CMIP: variants seen among roughly 807,000 people sequenced by gnomAD.
The protein encoded by CMIP is C-Maf-inducing protein.
CMIP carries 13 observed loss-of-function variants against 97.3 expected under a neutral mutation model. That is an observed-to-expected ratio of 0.13 (90% CI 0.09 to 0.21). The LOEUF is 0.21. Ranked by LOEUF, CMIP falls within the 10% of genes least tolerant of loss-of-function variation. The probability of loss-of-function intolerance (pLI) is 1.00; values close to 1 mark genes in which losing one functional copy is unlikely to be tolerated. For missense variants in CMIP, 847 were observed against 1,024.9 expected, an observed-to-expected ratio of 0.83 and a Z score of 2.37; for synonymous variants, 538 against 436.3, an observed-to-expected ratio of 1.23 and a Z score of -2.91.
At chr16:81,636,882 A>G (rs1431031484) in intron 3 of CMIP, among the ~76,000 whole-genome samples, 5 of 134,156 alleles carry the variant, frequency 3.7e-5, no homozygotes, top group Non-Finnish European at 7.9e-5. Flanking sequence ...ATTAGATCAT[A>G]TATATGTGTA....
intron 2 of CMIP, chr16:81,617,154 C>T (rs1050370473): frequency 2.0e-5 from 3 of 152,240 alleles, no homozygotes; most frequent in Admixed American, 1.3e-4. Context: ...ATCAGAATGT[C>T]CACTTTGAAA....
chr16:81,534,137 C>A (rs1385184232), intron 1 of CMIP, among the ~76,000 whole-genome samples: 1 of 152,206 alleles, frequency 6.6e-6, no homozygotes, highest in Non-Finnish European at 1.5e-5. Context: ...TGTGGCCAGG[C>A]TGCGTTTCAA....
At chr16:81,507,844 A>G (rs1246542604) in intron 1 of CMIP, among the ~76,000 whole-genome samples, 1 of 152,156 alleles carries the variant, frequency 6.6e-6, no homozygotes, top group Non-Finnish European at 1.5e-5. Flanking sequence ...GTTCTGGGGA[A>G]GGGCTGTGAG....
Position 81,709,833 on chromosome 16 carries a change from C to T in CMIP, c.*34C>T. On this transcript the variant is annotated 3_prime_UTR_variant, in exon 21 of 21. Coordinates refer to ENST00000537098, the MANE Select transcript of CMIP (RefSeq NM_198390.3). ...GCTCAAGGCAGGAAGACGTTTGCAA[C>T]CGCGACAAAATAACTCTTGACTAAC... The T allele has an allele frequency of 1.2e-6, 2 of 1,612,510 alleles. No homozygotes were observed. Among genetic ancestry groups the T allele is most frequent in the Non-Finnish European group, 1.7e-6 (2 of 1,179,130 alleles).
intron 9 of CMIP, among the ~76,000 whole-genome samples, chr16:81,676,581 C>G (rs1192438537): frequency 1.3e-5 from 2 of 152,198 alleles, no homozygotes; most frequent in East Asian, 1.9e-4. Context: ...AGGTCTCCCC[C>G]CATCACAGAC....
intron 3 of CMIP, among the ~76,000 whole-genome samples, chr16:81,628,132 C>G (rs1362949048): frequency 6.6e-6 from 1 of 152,176 alleles, no homozygotes. Flanking sequence ...AAGGGGAAAT[C>G]CTGAGGCTCT....
At position 81,692,708 on chromosome 16, in the gene CMIP, C is replaced by T. The variant is rs1445198137; in HGVS notation, c.1455-450C>T. ...AGCAGAGTCGTGACGTCATTGGCCT[C>T]AGTCCCCGTCCCCATAGGCCTGGGC... On this transcript the variant is annotated intron_variant, in intron 11 of 20. Transcript: ENST00000537098. Among the ~76,000 whole-genome samples, 3 of 152,240 alleles carry T rather than the reference C, an allele frequency of 2.0e-5. No homozygotes were observed. In the East Asian group the frequency reaches 5.8e-4, roughly 29 times the overall value.
At chr16:81,469,053 C>G (rs562347903) in intron 1 of CMIP, among the ~76,000 whole-genome samples, 1 of 152,224 alleles carries the variant, frequency 6.6e-6, no homozygotes, top group Non-Finnish European at 1.5e-5. Flanking sequence ...CGATTTGGAT[C>G]AACCTTAGGC....
At chr16:81,589,759 G>T (rs1047142914) in intron 1 of CMIP, among the ~76,000 whole-genome samples, 8 of 152,204 alleles carry the variant, frequency 5.3e-5, no homozygotes, top group African/African-American at 2.4e-5. Flanking sequence ...CACATACTCA[G>T]GCTTCATAAA....
chr16:81,677,493 A>G (rs910883487), intron 9 of CMIP, among the ~76,000 whole-genome samples: 2 of 151,794 alleles, frequency 1.3e-5, no homozygotes, highest in Admixed American at 6.6e-5. Context: ...CTTATAATGC[A>G]CCTCCCAGGC....
At chr16:81,705,077 G>C (rs973414757) in intron 18 of CMIP, among the ~76,000 whole-genome samples, 6 of 152,134 alleles carry the variant, frequency 3.9e-5, no homozygotes, top group African/African-American at 7.2e-5. Flanking sequence ...CTGCACACCT[G>C]TGAAGTGCAG....
chr16:81,608,666 G>T (rs937042380), intron 2 of CMIP, among the ~76,000 whole-genome samples: 1 of 151,890 alleles, frequency 6.6e-6, no homozygotes, highest in Non-Finnish European at 1.5e-5. Flanking sequence ...GGTGAGGTGC[G>T]TCCACCAAGA....
intron 1 of CMIP, among the ~76,000 whole-genome samples, chr16:81,577,640 AT>A (rs1188211889): frequency 6.6e-6 from 1 of 151,490 alleles, no homozygotes; most frequent in Non-Finnish European, 1.5e-5. Context: ...CACCACCATC[AT>A]CACCATCACC....
At chr16:81,488,465 G>A (rs930639708) in intron 1 of CMIP, among the ~76,000 whole-genome samples, 8 of 152,196 alleles carry the variant, frequency 5.3e-5, no homozygotes, top group African/African-American at 1.9e-4. Flanking sequence ...GAGGGAGTGT[G>A]CTGTTAGCCA....
Position 81,655,652 on chromosome 16 carries a change from G to A in CMIP, c.640-2123G>A, listed in dbSNP as rs1313583123. 6.6e-6 allele frequency among the ~76,000 whole-genome samples: 1 copy of A among 152,204 alleles called. No homozygotes were observed. Among genetic ancestry groups the A allele is most frequent in the Non-Finnish European group, 1.5e-5 (1 of 68,036 alleles). ...CTTCCTGGAAAGGTGCGTGGGTGGCGGCGAGGGATGGATGTGTCGAGCTGC... is the reference window on the plus strand; with the variant it reads ...CTTCCTGGAAAGGTGCGTGGGTGGCAGCGAGGGATGGATGTGTCGAGCTGC... On this transcript the variant is annotated intron_variant, in intron 4 of 20. Transcript: ENST00000537098. The surrounding 1 kb of genome is among the most constrained non-coding windows in gnomAD (Gnocchi z 4.9).
chr16:81,649,909 G>C (rs2092407644), intron 3 of CMIP, among the ~76,000 whole-genome samples: 1 of 152,190 alleles, frequency 6.6e-6, no homozygotes, highest in African/African-American at 2.4e-5. Flanking sequence ...TCATCCTCTG[G>C]AGCGGGTAGG....
chr16:81,474,047 A>G (rs770799460), intron 1 of CMIP, among the ~76,000 whole-genome samples: 18 of 151,982 alleles, frequency 1.2e-4, no homozygotes, highest in Non-Finnish European at 2.1e-4. Flanking sequence ...TTCTACAGCT[A>G]AAGAAGCAGA....
chr16:81,512,176 A>G (rs185778979), intron 1 of CMIP, among the ~76,000 whole-genome samples: 25 of 152,278 alleles, frequency 1.6e-4, no homozygotes, highest in African/African-American at 5.1e-4. Context: ...TTGTATTTCT[A>G]TTGGAGAGCA....
chr16:81,693,582 G>C, intron 13 of CMIP, 95 bp downstream of exon 13: 2 of 1,367,382 alleles, frequency 1.5e-6, no homozygotes, highest in South Asian at 1.4e-5. Context: ...GTCACCAACA[G>C]GCATTCAGAA....
Sources: allele counts gnomAD v4.1 joint callset (sites outside exome capture counted in the v4.1 genomes callset), GRCh38; gene constraint gnomAD v4.1.1; non-coding constraint Gnocchi (gnomAD v3.1); transcripts MANE v1.5; gene names NCBI Gene and HGNC (gene_info 2026-07-23, HGNC 2026-07-21).